Variants in PCSK2 observed in about 807,000 individuals in gnomAD.
PCSK2 encodes the protein neuroendocrine convertase 2.
A neutral mutation model predicts 69.7 loss-of-function variants in PCSK2; 14 were observed. The observed-to-expected ratio is 0.20, with a 90% CI of 0.13 to 0.31. The LOEUF is 0.31. Ranked by LOEUF, PCSK2 falls within the 10% of genes least tolerant of loss-of-function variation. PCSK2 has a pLI of 1.00. For missense variants in PCSK2, 544 were observed against 842.5 expected (o/e 0.65, Z 4.39); for synonymous variants, 307 against 320.7 (o/e 0.96, Z 0.46).
intron 2 of PCSK2, among the ~76,000 whole-genome samples, chr20:17,278,438 G>C (rs532496221): frequency 2.0e-4 from 30 of 152,246 alleles, no homozygotes; most frequent in Admixed American, 7.8e-4. Context: ...GATGAAGCTG[G>C]AAACCATCAT....
At chr20:17,447,287 C>A (rs1199193628) in intron 8 of PCSK2, among the ~76,000 whole-genome samples, 2 of 127,630 alleles carry the variant, frequency 1.6e-5, no homozygotes, top group Admixed American at 7.5e-5. Context: ...AAAAAAAAAT[C>A]TATGAAAGAA....
intron 2 of PCSK2, among the ~76,000 whole-genome samples, chr20:17,297,975 CTT>C (rs1988953768): frequency 1.3e-5 from 2 of 152,306 alleles, no homozygotes; most frequent in East Asian, 1.9e-4. Flanking sequence ...TACATTTGCT[CTT>C]ATAACTTCTA....
intron 2 of PCSK2, among the ~76,000 whole-genome samples, chr20:17,347,974 GAA>G (rs1990727204): frequency 7.4e-6 from 1 of 134,250 alleles, no homozygotes; most frequent in Non-Finnish European, 1.6e-5. Flanking sequence ...AAGAAAGAAA[GAA>G]AGAAAGAGGA....
At chr20:17,395,355 T>C (rs1164653684) in intron 5 of PCSK2, among the ~76,000 whole-genome samples, 1 of 152,168 alleles carries the variant, frequency 6.6e-6, no homozygotes, top group African/African-American at 2.4e-5. Flanking sequence ...ACAACTTAGG[T>C]CTTAATGTTC....
At chr20:17,348,091 G>GA (rs1568612772) in intron 2 of PCSK2, among the ~76,000 whole-genome samples, 1 of 122,654 alleles carries the variant, frequency 8.2e-6, no homozygotes, top group Non-Finnish European at 1.9e-5. Flanking sequence ...AAGAAAGAAA[G>GA]AAAGAAAGAA....
Position 17,425,788 on chromosome 20 carries a change from T to C in PCSK2, c.621-3647T>C, listed in dbSNP as rs942092179. ...CTTTGGCATAGGTTTCCAATGTTCC[T>C]GGGCTTTTTTGCATCAAACTACTTG... On this transcript the variant is annotated intron_variant, in intron 6 of 11. Coordinates refer to ENST00000262545, the MANE Select transcript of PCSK2 (RefSeq NM_002594.5). 2.0e-5 allele frequency among the ~76,000 whole-genome samples: 3 copies of C among 152,316 alleles called. No homozygotes were observed. The South Asian group carries it at 6.2e-4, about 32-fold the overall frequency.
intron 1 of PCSK2, among the ~76,000 whole-genome samples, chr20:17,256,714 GC>G (rs530326425): frequency 3.8e-4 from 58 of 151,158 alleles, no homozygotes; most frequent in African/African-American, 1.4e-3. Flanking sequence ...ATGGTGGTTT[GC>G]TGCACCCATC....
chr20:17,312,564 A>C (rs556984649), intron 2 of PCSK2, among the ~76,000 whole-genome samples: 1 of 150,214 alleles, frequency 6.7e-6, no homozygotes, highest in East Asian at 1.9e-4. Flanking sequence ...TCAGGATAAC[A>C]AAAAAATCAC....
At chr20:17,444,228 A>G (rs1480469436) in intron 8 of PCSK2, among the ~76,000 whole-genome samples, 2 of 152,242 alleles carry the variant, frequency 1.3e-5, no homozygotes, top group African/African-American at 4.8e-5. Context: ...TCCTGTACAT[A>G]TGTTTTGTTT....
At position 17,453,627 on chromosome 20, in the gene PCSK2, C is replaced by G. The variant is rs1020234077; in HGVS notation, c.886-115C>G. 2.8e-6 allele frequency: 3 copies of G among 1,060,532 alleles called. No homozygotes were observed. Among genetic ancestry groups the G allele is most frequent in the Non-Finnish European group, 4.1e-6 (3 of 735,256 alleles). The allele number at this position is 1,060,532 out of a possible 1,614,324, so 65.7% of individuals were successfully genotyped here. ...GGTGTCCAACCCAGTTTAAAAAGTG[C>G]ACCCAGTCTTTAGGTTCAACTGCTG... On this transcript the variant is annotated intron_variant, in intron 8 of 11. Transcript: ENST00000262545. The surrounding 1 kb of genome is among the most constrained non-coding windows in gnomAD (Gnocchi z 4.0).
intron 10 of PCSK2, among the ~76,000 whole-genome samples, chr20:17,459,295 C>G (rs1438547023): frequency 6.6e-6 from 1 of 152,126 alleles, no homozygotes; most frequent in African/African-American, 2.4e-5. Flanking sequence ...GTCGTTCATT[C>G]TCATTGTTGA....
At position 17,438,362 on chromosome 20, in the gene PCSK2, G is replaced by A. The variant is rs564477838; in HGVS notation, c.885+1479G>A. Among the ~76,000 whole-genome samples the A allele has an allele frequency of 1.9e-3, 292 of 152,214 alleles. 2 individuals carry two copies. The highest frequency in any genetic ancestry group is 6.7e-3 in the African/African-American group (277 of 41,528). ...GAATGTACAGAACGCTATGTTTAAC[G>A]CAGGCATAAAAAAGAGAATATTGAA... On this transcript the variant is annotated intron_variant, in intron 8 of 11. Transcript: ENST00000262545.
chr20:17,255,148 C>T (rs1987128398), intron 1 of PCSK2, among the ~76,000 whole-genome samples: 1 of 152,116 alleles, frequency 6.6e-6, no homozygotes, highest in African/African-American at 2.4e-5. Context: ...ATCTTGATGC[C>T]TTTATTTCTT....
chr20:17,334,811 A>G (rs1990300807), intron 2 of PCSK2, among the ~76,000 whole-genome samples: 1 of 152,224 alleles, frequency 6.6e-6, no homozygotes, highest in African/African-American at 2.4e-5. Flanking sequence ...AGCACATAAA[A>G]TAGTGGTATT....
At chr20:17,293,723 A>G (rs1365169914) in intron 2 of PCSK2, among the ~76,000 whole-genome samples, 1 of 152,198 alleles carries the variant, frequency 6.6e-6, no homozygotes, top group African/African-American at 2.4e-5. Flanking sequence ...CGATTTGTCA[A>G]TATTTTATTT....
At chr20:17,468,810 TCAGCATCCTCCCAAGGGC>T (rs66703310) in intron 11 of PCSK2, among the ~76,000 whole-genome samples, 12,861 of 152,198 alleles carry the variant, frequency 0.085, 676 homozygotes, top group Non-Finnish European at 0.12. Context: ...CCACCATAGG[TCAGCATCCTCCCAAGGGC>T]CAGCATCCTC....
At chr20:17,421,010 T>C (rs1321630935) in intron 6 of PCSK2, among the ~76,000 whole-genome samples, 1 of 152,220 alleles carries the variant, frequency 6.6e-6, no homozygotes, top group Non-Finnish European at 1.5e-5. Context: ...GGAGAATTTA[T>C]GCTACAGGAG....
chr20:17,352,022 G>A (rs1452336072), intron 2 of PCSK2, among the ~76,000 whole-genome samples: 2 of 152,092 alleles, frequency 1.3e-5, no homozygotes, highest in Admixed American at 6.6e-5. Context: ...CAAAATCAAC[G>A]TGCAAAAATC....
intron 2 of PCSK2, among the ~76,000 whole-genome samples, chr20:17,302,566 T>C (rs1431709515): frequency 6.6e-6 from 1 of 152,230 alleles, no homozygotes; most frequent in Non-Finnish European, 1.5e-5. Context: ...ATGTTCACTC[T>C]TGATTAATGT....
Sources: gnomAD v4.1 joint callset for allele counts (sites outside exome capture counted in the v4.1 genomes callset) on GRCh38, gnomAD v4.1.1 for gene constraint, Gnocchi (gnomAD v3.1) non-coding constraint, MANE v1.5 for transcripts, NCBI Gene and HGNC (gene_info 2026-07-23, HGNC 2026-07-21) for gene names.